The following TPGS2 variants were observed in gnomAD, a reference collection of about 807,000 sequenced individuals.
TPGS2 encodes tubulin polyglutamylase complex subunit 2, also known as polyglutamylase subunit 2.
In TPGS2, 26 loss-of-function variants were observed where a neutral mutation model predicts 31.1. That is an observed-to-expected ratio of 0.84 (90% CI 0.61 to 1.16). The LOEUF is 1.16. Among genes scored for constraint, TPGS2 ranks in the 50% most tolerant of loss-of-function variants. The probability of loss-of-function intolerance (pLI) is 0.00; values close to 1 mark genes in which losing one functional copy is unlikely to be tolerated. For missense variants in TPGS2, 351 were observed against 363.8 expected, an observed-to-expected ratio of 0.96 and a Z score of 0.29; for synonymous variants, 130 against 136.6, an observed-to-expected ratio of 0.95 and a Z score of 0.34.
downstream of TPGS2, among the ~76,000 whole-genome samples, chr18:36,781,345 C>T (rs965751020): frequency 3.9e-4 from 59 of 152,126 alleles, no homozygotes; most frequent in African/African-American, 1.4e-3. Context: ...CTAATTCCAC[C>T]TTTGTCCTAC....
intron 4 of TPGS2, among the ~76,000 whole-genome samples, chr18:36,803,893 T>G (rs933028476): frequency 6.6e-6 from 1 of 151,700 alleles, no homozygotes; most frequent in Non-Finnish European, 1.5e-5. Context: ...CTGGTTGTGT[T>G]TTTTTTTTAA....
chr18:36,824,192 T>C (rs913547158), intron 1 of TPGS2, among the ~76,000 whole-genome samples: 2 of 152,248 alleles, frequency 1.3e-5, no homozygotes, highest in African/African-American at 4.8e-5. Context: ...GTAGGATCAG[T>C]ACTTCACTCC....
At chr18:36,815,589 T>C (rs983792174) in intron 2 of TPGS2, among the ~76,000 whole-genome samples, 3 of 151,978 alleles carry the variant, frequency 2.0e-5, no homozygotes, top group Non-Finnish European at 4.4e-5. Context: ...TGTGGTTATG[T>C]CTAGGTAGGA....
At chr18:36,828,420 C>A (rs1017829219) in intron 1 of TPGS2, among the ~76,000 whole-genome samples, 1 of 152,190 alleles carries the variant, frequency 6.6e-6, no homozygotes, top group Non-Finnish European at 1.5e-5. Context: ...CTCTGCCCGT[C>A]CTTCCTGGGT....
chr18:36,818,814 C>T (rs1403471596), intron 2 of TPGS2, 80 bp downstream of exon 2: 3 of 1,273,874 alleles, frequency 2.4e-6, no homozygotes, highest in African/African-American at 3.0e-5. Context: ...AATATTCTTC[C>T]TCCCCTAATC....
In TPGS2 at chr18:36,795,987, T is replaced by C. The variant is rs972822086; in HGVS notation, c.*818A>G. On this transcript the variant is annotated 3_prime_UTR_variant, in exon 7 of 7. Transcript: ENST00000334295. ...AAAGTATAGCAGAAGTACACCTTCT[T>C]TAAAAAGTTAATAAGGAAGATAATT... 3.0e-6 allele frequency: 3 copies of C among 985,354 alleles called. No individual in the cohort carries two copies. The highest frequency in any genetic ancestry group is 3.6e-6 in the Non-Finnish European group (3 of 829,948). The allele number at this position is 985,354 out of a possible 1,614,324, so 61.0% of individuals were successfully genotyped here. A position where few individuals can be genotyped will look rare whatever the true frequency, so the allele number is the denominator to read the frequency against.
At chr18:36,818,120 C>T (rs368456324) in intron 2 of TPGS2, among the ~76,000 whole-genome samples, 5 of 152,144 alleles carry the variant, frequency 3.3e-5, no homozygotes, top group African/African-American at 1.2e-4. Flanking sequence ...GTAATCCTTC[C>T]CATCTTGAAG....
At chr18:36,805,723 C>T (rs2045093927) in intron 3 of TPGS2, among the ~76,000 whole-genome samples, 1 of 152,046 alleles carries the variant, frequency 6.6e-6, no homozygotes, top group African/African-American at 2.4e-5. Context: ...TGAAGAGCCC[C>T]CATTGTATGT....
chr18:36,827,336 A>G (rs1272260332), intron 1 of TPGS2, among the ~76,000 whole-genome samples: 1 of 152,254 alleles, frequency 6.6e-6, no homozygotes, highest in African/African-American at 2.4e-5. Flanking sequence ...AAGAGAGAGC[A>G]AGAAAGACGG....
intron 1 of TPGS2, among the ~76,000 whole-genome samples, chr18:36,823,001 G>A (rs370200192): frequency 1.3e-5 from 2 of 152,120 alleles, no homozygotes; most frequent in East Asian, 1.9e-4. Flanking sequence ...TCTTTTTGAC[G>A]TGCATAGCAT....
chr18:36,793,618 T>C (rs2044390371), downstream of TPGS2, among the ~76,000 whole-genome samples: 1 of 152,250 alleles, frequency 6.6e-6, no homozygotes, highest in Non-Finnish European at 1.5e-5. Flanking sequence ...TTTTGTACAG[T>C]GTTTCTACTG....
intron 4 of TPGS2, among the ~76,000 whole-genome samples, chr18:36,802,255 C>G (rs1204947582): frequency 6.6e-6 from 1 of 152,220 alleles, no homozygotes; most frequent in African/African-American, 2.4e-5. Context: ...GCAGCCCTGC[C>G]TGGTGCTGAC....
chr18:36,820,666 G>A (rs1426156427), intron 1 of TPGS2, among the ~76,000 whole-genome samples: 1 of 152,202 alleles, frequency 6.6e-6, no homozygotes, highest in Non-Finnish European at 1.5e-5. Flanking sequence ...GTTCAAAGAT[G>A]TTAAGTAATT....
Position 36,794,665 on chromosome 18 carries a change from G to A in TPGS2, c.*2140C>T. 1.4e-5 allele frequency: 14 copies of A among 985,262 alleles called. No homozygotes were observed. Among genetic ancestry groups the A allele is most frequent in the Non-Finnish European group, 1.6e-5 (13 of 829,928 alleles). 61.0% of individuals were successfully genotyped at this position (985,262 alleles called of 1,614,324 possible). ...AATTCTGGCAAGAAAAATACTTCTG[G>A]AAGACTAAACTCCAGCTATTGTCCT... is the stretch of plus-strand genomic sequence containing the variant. On this transcript the variant is annotated 3_prime_UTR_variant, in exon 7 of 7. Transcript: ENST00000334295.
chr18:36,810,923 C>G (rs2045395271), intron 2 of TPGS2, among the ~76,000 whole-genome samples: 1 of 152,160 alleles, frequency 6.6e-6, no homozygotes, highest in African/African-American at 2.4e-5. Flanking sequence ...TTTTCTACTC[C>G]TGGACAATCC....
rs2044539297 is a variant in TPGS2, at chr18:36,796,663, T to C, written c.*142A>G. On this transcript the variant is annotated 3_prime_UTR_variant, in exon 7 of 7. Transcript: ENST00000334295. ...TCACTACGAGCCTGGCTAATGTCGG[T>C]GGGACTAAAAGCCTTACAATTTTGG... is the stretch of plus-strand genomic sequence containing the variant. The C allele has an allele frequency of 2.1e-6, 3 of 1,430,690 alleles. No individual in the cohort carries two copies. Among genetic ancestry groups the C allele is most frequent in the South Asian group, 3.5e-5 (2 of 57,256 alleles). The allele number at this position is 1,430,690 out of a possible 1,614,324, so 88.6% of individuals were successfully genotyped here. A position where few individuals can be genotyped will look rare whatever the true frequency, so the allele number is the denominator to read the frequency against.
downstream of TPGS2, chr18:36,782,027 C>T: frequency 1.2e-6 from 1 of 808,896 alleles, no homozygotes; most frequent in Non-Finnish European, 1.5e-6. Flanking sequence ...AGAGTGTTCG[C>T]CTATTGCTTG....
intron 1 of TPGS2, among the ~76,000 whole-genome samples, chr18:36,820,784 C>T (rs184480054): frequency 7.3e-4 from 111 of 152,264 alleles, no homozygotes; most frequent in African/African-American, 2.6e-3. Context: ...AAACATTTTG[C>T]GGATGTTTGG....
chr18:36,812,752 G>A (rs1254398989), intron 2 of TPGS2, among the ~76,000 whole-genome samples: 2 of 152,206 alleles, frequency 1.3e-5, no homozygotes, highest in Admixed American at 6.5e-5. Flanking sequence ...TTGGAAGTGA[G>A]GGCAGTCTTG....
Sources: allele counts gnomAD v4.1 joint callset (sites outside exome capture counted in the v4.1 genomes callset), GRCh38; gene constraint gnomAD v4.1.1; transcripts MANE v1.5; gene names NCBI Gene and HGNC (gene_info 2026-07-23, HGNC 2026-07-21).